Variants in EIF3H observed in about 807,000 individuals in gnomAD.
The protein encoded by EIF3H is eukaryotic translation initiation factor 3 subunit H.
Under a neutral mutation model 44.2 loss-of-function variants are expected in EIF3H, and 26 were observed. That is an observed-to-expected ratio of 0.59 (90% CI 0.43 to 0.82). EIF3H has a LOEUF of 0.82. Ranked by LOEUF, EIF3H falls within the 40% of genes least tolerant of loss-of-function variation. EIF3H has a pLI of 0.00. For synonymous variants in EIF3H, 166 were observed against 151.9 expected (o/e 1.09, Z -0.68); for missense variants, 359 against 432.8 (o/e 0.83, Z 1.51).
chr8:116,679,211 G>T (rs1433310234), intron 2 of EIF3H, among the ~76,000 whole-genome samples: 107 of 32,792 alleles, frequency 3.3e-3, no homozygotes, highest in Non-Finnish European at 6.2e-3. Context: ...CGTCCGGGAG[G>T]TGAGGGGCGC....
In EIF3H at chr8:116,657,104, C is replaced by T. The variant is rs77386399; in HGVS notation, c.557+111G>A. On this transcript the variant is annotated intron_variant, in intron 4 of 7. Coordinates refer to ENST00000521861, the MANE Select transcript of EIF3H (RefSeq NM_003756.3). Reference sequence around the variant, plus strand: ...TCGGCATGCAGAAAACTTCTACAGTCCACATGGCAAAAGCATTACCACACC... The same window carrying T: ...TCGGCATGCAGAAAACTTCTACAGTTCACATGGCAAAAGCATTACCACACC... 47,129 of 904,266 alleles carry T rather than the reference C, an allele frequency of 0.052. 1,909 individuals are homozygous for T. Among genetic ancestry groups the T allele is most frequent in the Admixed American group, 0.17 (8,551 of 49,706 alleles). 56.0% of individuals were successfully genotyped at this position (904,266 alleles called of 1,614,324 possible).
chr8:116,688,230 T>A (rs1814112192), intron 2 of EIF3H, among the ~76,000 whole-genome samples: 1 of 152,114 alleles, frequency 6.6e-6, no homozygotes, highest in Non-Finnish European at 1.5e-5. Flanking sequence ...AAACACAGAA[T>A]GTTGTCTTAT....
At chr8:116,711,304 G>C (rs1814568714) in intron 2 of EIF3H, among the ~76,000 whole-genome samples, 2 of 152,144 alleles carry the variant, frequency 1.3e-5, no homozygotes, top group Non-Finnish European at 2.9e-5. Context: ...TTTATCAACA[G>C]AGAAAATAGC....
intron 2 of EIF3H, among the ~76,000 whole-genome samples, chr8:116,691,686 AC>A (rs1814176889): frequency 6.6e-6 from 1 of 152,166 alleles, no homozygotes; most frequent in Admixed American, 6.5e-5. Context: ...ACCAGCCTGG[AC>A]AACATGGCGA....
At chr8:116,653,997 C>T (rs1289300299) in intron 5 of EIF3H, among the ~76,000 whole-genome samples, 3 of 152,128 alleles carry the variant, frequency 2.0e-5, no homozygotes, top group Admixed American at 6.5e-5. Flanking sequence ...GGCAACTGGC[C>T]TGAGCCATCA....
chr8:116,673,456 A>C (rs1438390955), intron 2 of EIF3H, among the ~76,000 whole-genome samples: 1 of 152,196 alleles, frequency 6.6e-6, no homozygotes, highest in Non-Finnish European at 1.5e-5. Flanking sequence ...AAAATTATCA[A>C]GGTTTAGTAA....
intron 2 of EIF3H, among the ~76,000 whole-genome samples, chr8:116,662,723 C>G (rs1186647768): frequency 6.6e-6 from 1 of 152,154 alleles, no homozygotes; most frequent in Non-Finnish European, 1.5e-5. Flanking sequence ...AGCAACTGTC[C>G]CAGTGACCTG....
intron 5 of EIF3H, among the ~76,000 whole-genome samples, chr8:116,651,306 A>T (rs1813387664): frequency 6.6e-6 from 1 of 152,192 alleles, no homozygotes; most frequent in South Asian, 2.1e-4. Flanking sequence ...TCTTTATTTG[A>T]TAGGAGGCAT....
chr8:116,756,707 A>G (rs1392209451), upstream of EIF3H, among the ~76,000 whole-genome samples: 1 of 152,224 alleles, frequency 6.6e-6, no homozygotes, highest in Non-Finnish European at 1.5e-5. Flanking sequence ...GTTATATTTC[A>G]ATCTGGGAGG....
intron 1 of EIF3H, among the ~76,000 whole-genome samples, chr8:116,732,901 G>A (rs1260877689): frequency 1.3e-5 from 2 of 152,150 alleles, no homozygotes; most frequent in Non-Finnish European, 2.9e-5. Context: ...CCCAACACCA[G>A]CTGGGTATCT....
chr8:116,681,432 C>T (rs1034433684), intron 2 of EIF3H, among the ~76,000 whole-genome samples: 2 of 151,604 alleles, frequency 1.3e-5, no homozygotes, highest in Admixed American at 1.3e-4. Flanking sequence ...CCTGGGAGGT[C>T]GAGGCGGGCG....
chr8:116,712,568 T>C (rs979398132), intron 2 of EIF3H, among the ~76,000 whole-genome samples: 6 of 152,252 alleles, frequency 3.9e-5, no homozygotes, highest in East Asian at 1.9e-4. Flanking sequence ...TGAGTAAAAA[T>C]TACTGGTAGA....
At chr8:116,740,952 C>T (rs1288517429) in intron 1 of EIF3H, among the ~76,000 whole-genome samples, 4 of 152,134 alleles carry the variant, frequency 2.6e-5, no homozygotes, top group Non-Finnish European at 5.9e-5. Context: ...AAAATAATCC[C>T]ACTCAAACTA....
intron 2 of EIF3H, among the ~76,000 whole-genome samples, chr8:116,660,297 G>A (rs1813564915): frequency 6.6e-6 from 1 of 152,170 alleles, no homozygotes; most frequent in Admixed American, 6.5e-5. Flanking sequence ...TTTAGCAAAA[G>A]AAAAGTTATA....
intron 1 of EIF3H, among the ~76,000 whole-genome samples, chr8:116,728,962 C>T (rs1814903868): frequency 1.3e-5 from 2 of 152,140 alleles, no homozygotes; most frequent in Admixed American, 1.3e-4. Context: ...TTGTCAATAA[C>T]TATTTAATGC....
At chr8:116,746,604 C>CT (rs1242126508) in intron 1 of EIF3H, among the ~76,000 whole-genome samples, 2 of 152,218 alleles carry the variant, frequency 1.3e-5, no homozygotes, top group African/African-American at 4.8e-5. Context: ...TGAAAAGCCA[C>CT]CCAGCTTCTT....
chr8:116,649,065 A>G (rs1227117855), intron 5 of EIF3H, 139 bp from the exon 6 acceptor site: 2 of 651,304 alleles, frequency 3.1e-6, no homozygotes, highest in Admixed American at 4.0e-5. Flanking sequence ...AAGCAAGAGC[A>G]GAGGAAAAAA....
intron 2 of EIF3H, among the ~76,000 whole-genome samples, chr8:116,672,758 A>G (rs576230397): frequency 2.6e-5 from 4 of 152,256 alleles, no homozygotes; most frequent in African/African-American, 9.6e-5. Flanking sequence ...CAAAGAGCTT[A>G]TGTGGGTTCC....
chr8:116,663,275 C>T (rs989722607), intron 2 of EIF3H, among the ~76,000 whole-genome samples: 13 of 152,128 alleles, frequency 8.5e-5, no homozygotes, highest in African/African-American at 3.1e-4. Flanking sequence ...CTCCTTGACT[C>T]GAAGTGCCAG....
Sources: allele counts gnomAD v4.1 joint callset (sites outside exome capture counted in the v4.1 genomes callset), GRCh38; gene constraint gnomAD v4.1.1; transcripts MANE v1.5; gene names NCBI Gene and HGNC (gene_info 2026-07-23, HGNC 2026-07-21).